Variants in ISM1 observed in about 807,000 individuals in gnomAD.
The protein encoded by ISM1 is isthmin-1.
ISM1 carries 25 observed loss-of-function variants against 46.3 expected under a neutral mutation model. The observed-to-expected ratio is 0.54, with a 90% CI of 0.39 to 0.75. ISM1 has a LOEUF of 0.75. Ranked by LOEUF, ISM1 falls within the 30% of genes least tolerant of loss-of-function variation. The pLI, the probability that ISM1 is intolerant of heterozygous loss-of-function variation, is 0.00. For synonymous variants in ISM1, 255 were observed against 256.7 expected, an observed-to-expected ratio of 0.99 and a Z score of 0.06; for missense variants, 536 against 625.4, an observed-to-expected ratio of 0.86 and a Z score of 1.52.
chr20:13,240,284 A>G (rs76201871), intron 1 of ISM1, among the ~76,000 whole-genome samples: 2,556 of 152,360 alleles, frequency 0.017, 31 homozygotes, highest in Non-Finnish European at 0.022. Flanking sequence ...ATTATTATAG[A>G]TTGTGATAGG....
chr20:13,282,334 T>C (rs1420655367), intron 3 of ISM1, among the ~76,000 whole-genome samples: 1 of 152,192 alleles, frequency 6.6e-6, no homozygotes, highest in Non-Finnish European at 1.5e-5. Flanking sequence ...GAGTCTGTTG[T>C]TTGCATCTTT....
intron 2 of ISM1, among the ~76,000 whole-genome samples, chr20:13,273,001 T>C (rs117303195): frequency 8.5e-5 from 13 of 152,302 alleles, no homozygotes; most frequent in South Asian, 6.2e-4. Flanking sequence ...ATCAGTGTAA[T>C]TGATTTAAGA....
chr20:13,270,356 T>C, intron 1 of ISM1, 148 bp from the exon 2 acceptor site: 8 of 821,864 alleles, frequency 9.7e-6, no homozygotes, highest in South Asian at 5.5e-5. Context: ...AACTAAACCA[T>C]GGGTTTGCAA....
At chr20:13,225,012 A>T (rs1302836191) in intron 1 of ISM1, among the ~76,000 whole-genome samples, 31 of 137,662 alleles carry the variant, frequency 2.3e-4, no homozygotes, top group Non-Finnish European at 3.5e-4. Context: ...CGCCCGGCTA[A>T]TTTTTTTTTT....
chr20:13,273,240 A>ATTTTATTTTATTTTATTT lies in ISM1; in HGVS notation c.378+2511_378+2512insATTTTTTTATTTTATTTT, dbSNP rs769456355. Among the ~76,000 whole-genome samples the ATTTTATTTTATTTTATTT allele has an allele frequency of 2.2e-3, 332 of 149,782 alleles. 2 individuals carry two copies. Among genetic ancestry groups the ATTTTATTTTATTTTATTT allele is most frequent in the Non-Finnish European group, 4.0e-3 (268 of 67,736 alleles). On this transcript the variant is annotated intron_variant, in intron 2 of 5. Coordinates refer to ENST00000262487, the MANE Select transcript of ISM1 (RefSeq NM_080826.2). ...TTTTTATTTTATTTTATTTTATTTT[A>ATTTTATTTTATTTTATTT]TTTTATTTTATTTTGACAAGGTCTT... is the stretch of plus-strand genomic sequence containing the variant.
intron 1 of ISM1, among the ~76,000 whole-genome samples, chr20:13,247,228 G>A (rs543161756): frequency 4.9e-4 from 75 of 151,916 alleles, no homozygotes; most frequent in African/African-American, 1.6e-3. Flanking sequence ...GTGAATCTCC[G>A]TCTCAAAAAA....
Position 13,227,922 on chromosome 20 carries a change from C to T in ISM1, c.138+6008C>T, listed in dbSNP as rs1568660909. Among the ~76,000 whole-genome samples the T allele has an allele frequency of 2.7e-5, 4 of 148,664 alleles. No homozygotes were observed. In the South Asian group the frequency reaches 6.4e-4, roughly 24 times the overall value. On this transcript the variant is annotated intron_variant, in intron 1 of 5. Coordinates refer to ENST00000262487, the MANE Select transcript of ISM1 (RefSeq NM_080826.2). ...TACCAATAATTATTTAGACTTAATT[C>T]TAAGATTTACTTATTTCTTTATCTA...
intron 1 of ISM1, among the ~76,000 whole-genome samples, chr20:13,268,112 C>CTCTCTTCTCT (rs1467055541): frequency 1.2e-5 from 1 of 86,550 alleles, no homozygotes; most frequent in African/African-American, 5.5e-5. Context: ...CTCTCCTCTC[C>CTCTCTTCTCT]TGTCTTCTCT....
chr20:13,231,165 C>T (rs1600481282), intron 1 of ISM1, among the ~76,000 whole-genome samples: 1 of 152,220 alleles, frequency 6.6e-6, no homozygotes, highest in African/African-American at 2.4e-5. Context: ...ATAATGGATA[C>T]TCCTCTAGGT....
intron 2 of ISM1, among the ~76,000 whole-genome samples, 165 bp from the exon 3 acceptor site, chr20:13,279,469 C>T (rs1435226082): frequency 6.6e-6 from 1 of 152,196 alleles, no homozygotes; most frequent in Non-Finnish European, 1.5e-5. Context: ...TTCTTGTGGA[C>T]CATCCCTGGA....
chr20:13,319,554 A>G, the ISM1 span, among the ~76,000 whole-genome samples: 3 of 152,212 alleles, frequency 2.0e-5, no homozygotes, highest in Non-Finnish European at 2.9e-5. Context: ...GAAAGGAAAG[A>G]AAGACAGGCA....
At chr20:13,321,223 T>C in the ISM1 span, among the ~76,000 whole-genome samples, 1 of 130,056 alleles carries the variant, frequency 7.7e-6, no homozygotes, top group Non-Finnish European at 1.6e-5. Flanking sequence ...AAAGAGATCG[T>C]CTTTATCTAG....
intron 1 of ISM1, among the ~76,000 whole-genome samples, chr20:13,268,347 CCTCTCTCTCTCTCTCTCT>C (rs3041816): frequency 0.088 from 5,862 of 66,570 alleles, 325 homozygotes; most frequent in Middle Eastern, 0.18. Flanking sequence ...CCTTCTTCTT[CCTCTCTCTCTCTCTCTCT>C]CTCTCTCTCT....
chr20:13,230,155 C>T (rs2039572853), intron 1 of ISM1, among the ~76,000 whole-genome samples: 1 of 152,106 alleles, frequency 6.6e-6, no homozygotes, highest in African/African-American at 2.4e-5. Context: ...GGTTTTAATG[C>T]CTCCAAAGCA....
intron 1 of ISM1, among the ~76,000 whole-genome samples, chr20:13,227,579 GCTCACTTCAAA>G (rs929684597): frequency 6.7e-6 from 1 of 149,112 alleles, no homozygotes; most frequent in African/African-American, 2.5e-5. Flanking sequence ...CGCGATCTTG[GCTCACTTCAAA>G]CTCTGCCTCC....
At chr20:13,251,410 G>A (rs2039866466) in intron 1 of ISM1, among the ~76,000 whole-genome samples, 1 of 152,234 alleles carries the variant, frequency 6.6e-6, no homozygotes, top group Non-Finnish European at 1.5e-5. Flanking sequence ...TGAAAATGGA[G>A]CGTGAAGAGA....
intron 5 of ISM1, among the ~76,000 whole-genome samples, 182 bp downstream of exon 5, chr20:13,292,645 T>C (rs773794285): frequency 1.2e-4 from 18 of 152,100 alleles, no homozygotes; most frequent in Non-Finnish European, 1.9e-4. Flanking sequence ...GTCCTAAGCC[T>C]CCTCCACCGG....
intron 5 of ISM1, among the ~76,000 whole-genome samples, chr20:13,297,509 G>T (rs2040418707): frequency 1.3e-5 from 2 of 152,158 alleles, no homozygotes; most frequent in South Asian, 4.1e-4. Context: ...CCCAAACTAA[G>T]ACATTCACTA....
chr20:13,276,649 G>C (rs1039088029), intron 2 of ISM1, among the ~76,000 whole-genome samples: 1 of 150,442 alleles, frequency 6.6e-6, no homozygotes, highest in Non-Finnish European at 1.5e-5. Context: ...AGGACGGTAA[G>C]ATCTAGAGAC....
Sources: gnomAD v4.1 joint callset for allele counts (sites outside exome capture counted in the v4.1 genomes callset) on GRCh38, gnomAD v4.1.1 for gene constraint, MANE v1.5 for transcripts, NCBI Gene and HGNC (gene_info 2026-07-23, HGNC 2026-07-21) for gene names.